The following FMNL2 variants were observed in gnomAD, a reference collection of about 807,000 sequenced individuals.
FMNL2 encodes the protein formin-like protein 2.
A neutral mutation model predicts 130.2 loss-of-function variants in FMNL2; 51 were observed. The ratio of observed to expected loss-of-function variants is 0.39; its 90% confidence interval spans 0.31 to 0.49. The LOEUF is 0.49. FMNL2 is among the 20% of genes least tolerant of loss of function. FMNL2 has a pLI of 0.85. For missense variants in FMNL2, 977 were observed against 1,316.2 expected, an observed-to-expected ratio of 0.74 and a Z score of 3.99; for synonymous variants, 465 against 467.1, an observed-to-expected ratio of 1.00 and a Z score of 0.06.
At chr2:152,361,266 C>T (rs965287587) in intron 1 of FMNL2, among the ~76,000 whole-genome samples, 1 of 152,184 alleles carries the variant, frequency 6.6e-6, no homozygotes, top group South Asian at 2.1e-4. Flanking sequence ...TTACAAACTT[C>T]TGTTTGAAAT....
chr2:152,609,512 G>A (rs942677780), intron 10 of FMNL2, among the ~76,000 whole-genome samples: 3 of 151,832 alleles, frequency 2.0e-5, no homozygotes, highest in African/African-American at 4.8e-5. Context: ...GTATTTTTTT[G>A]TGGACAAAAG....
intron 1 of FMNL2, among the ~76,000 whole-genome samples, chr2:152,484,295 T>C (rs1255317442): frequency 6.6e-6 from 1 of 152,196 alleles, no homozygotes; most frequent in African/African-American, 2.4e-5. Context: ...CTTGCTTACA[T>C]AATTTAAAAA....
In FMNL2 at chr2:152,637,632, T is replaced by C. The variant is rs1208750777; in HGVS notation, c.2904T>C (p.Ser968=). ...FGENPKTTPP[S]VFFPVFVRFV... is the part of the protein sequence containing the mutation. ...AAAACCCCAAGACAACACCACCCTC[T>C]GTCTTCTTTCCTGTCTTTGTCCGGT... Residue 968 remains serine (S), a synonymous_variant, in exon 23 of 26, where the codon TCT becomes TCC. Transcript: ENST00000288670. 1.2e-6 allele frequency: 2 copies of C among 1,613,898 alleles called. No homozygotes were observed. Among genetic ancestry groups the C allele is most frequent in the African/African-American group, 1.3e-5 (1 of 74,936 alleles).
chr2:152,350,411 T>A (rs1158905445), intron 1 of FMNL2, among the ~76,000 whole-genome samples: 1 of 152,206 alleles, frequency 6.6e-6, no homozygotes, highest in African/African-American at 2.4e-5. Flanking sequence ...TGGTTTTGTG[T>A]AGTCAGAGTT....
intron 9 of FMNL2, among the ~76,000 whole-genome samples, chr2:152,584,188 T>C (rs531682409): frequency 8.5e-5 from 13 of 152,260 alleles, no homozygotes; most frequent in African/African-American, 2.6e-4. Context: ...CAAAATGTCA[T>C]TGGAATCTTC....
chr2:152,645,949 T>G (rs1683515031), intron 25 of FMNL2, among the ~76,000 whole-genome samples: 1 of 152,216 alleles, frequency 6.6e-6, no homozygotes, highest in Non-Finnish European at 1.5e-5. Context: ...AGTGTAATTC[T>G]GGCCTTTCAT....
At chr2:152,598,764 T>A (rs1481627350) in intron 9 of FMNL2, among the ~76,000 whole-genome samples, 2 of 151,966 alleles carry the variant, frequency 1.3e-5, no homozygotes, top group South Asian at 4.2e-4. Context: ...GAAATGGGGG[T>A]GTATTAGGGC....
Position 152,513,561 on chromosome 2 carries a change from A to T in FMNL2, c.118-8382A>T, listed in dbSNP as rs375001336. Among the ~76,000 whole-genome samples, 8 of 152,324 alleles carry T rather than the reference A, an allele frequency of 5.3e-5. No individual in the cohort carries two copies. The East Asian group carries it at 1.4e-3, about 26-fold the overall frequency. On this transcript the variant is annotated intron_variant, in intron 1 of 25. Coordinates refer to ENST00000288670, the MANE Select transcript of FMNL2 (RefSeq NM_052905.4). ...GGTCACCTATAAAAGACAGAACAGA[A>T]TGAATGTATCACAAGCTTCTCTTGT...
chr2:152,529,635 GT>G (rs1693582888), intron 2 of FMNL2, among the ~76,000 whole-genome samples: 1 of 152,152 alleles, frequency 6.6e-6, no homozygotes, highest in Admixed American at 6.5e-5. Context: ...AGCTTTTGGA[GT>G]TTTGGAAAGT....
chr2:152,383,379 G>A (rs1476179579), intron 1 of FMNL2, among the ~76,000 whole-genome samples: 1 of 125,300 alleles, frequency 8.0e-6, no homozygotes, highest in Non-Finnish European at 1.6e-5. Flanking sequence ...TTTCTTTTTT[G>A]GAGTTTAATT....
chr2:152,352,034 A>G (rs1050700737), intron 1 of FMNL2, among the ~76,000 whole-genome samples: 4 of 152,240 alleles, frequency 2.6e-5, no homozygotes, highest in African/African-American at 9.6e-5. Context: ...GCCACAAAAG[A>G]AAAGTGGGCA....
chr2:152,367,973 G>A (rs112214991), intron 1 of FMNL2, among the ~76,000 whole-genome samples: 1,553 of 152,228 alleles, frequency 0.01, 33 homozygotes, highest in African/African-American at 0.036. Context: ...CTTGGTTCGT[G>A]TTCTTGACCT....
chr2:152,596,095 T>A (rs1351448175), intron 9 of FMNL2, among the ~76,000 whole-genome samples: 2 of 151,562 alleles, frequency 1.3e-5, no homozygotes, highest in African/African-American at 4.9e-5. Context: ...CCAGAACGGC[T>A]GGGATTATAG....
At chr2:152,551,143 GAAAAA>G (rs5835434) in intron 4 of FMNL2, among the ~76,000 whole-genome samples, 1 of 121,282 alleles carries the variant, frequency 8.2e-6, no homozygotes. Context: ...CCATCTCACC[GAAAAA>G]AAAAAAAAAA....
intron 1 of FMNL2, among the ~76,000 whole-genome samples, chr2:152,508,578 A>G (rs895011139): frequency 6.6e-6 from 1 of 152,200 alleles, no homozygotes; most frequent in African/African-American, 2.4e-5. Context: ...CTCTTGAGTG[A>G]TGGGGGCGGA....
chr2:152,632,193 G>A (rs1682220064), intron 21 of FMNL2, 56 bp downstream of exon 21: 2 of 1,571,672 alleles, frequency 1.3e-6, no homozygotes, highest in South Asian at 2.4e-5. Context: ...TTTAATTGTG[G>A]TGGAGCCATT....
Position 152,389,048 on chromosome 2 carries a change from C to G in FMNL2, c.117+53328C>G, listed in dbSNP as rs1224106417. 5.2e-5 allele frequency among the ~76,000 whole-genome samples: 6 copies of G among 114,508 alleles called. No homozygotes were observed. In the East Asian group the frequency reaches 1.7e-3, roughly 33 times the overall value. The allele number at this position is 114,508 out of a possible 152,430, so 75.1% of individuals were successfully genotyped here. ...GTCAAGGCTTCTTTTTGGTTGAAAT[C>G]TAAATGCTGTTTTTCAATTTGGACT... is the stretch of plus-strand genomic sequence containing the variant. On this transcript the variant is annotated intron_variant, in intron 1 of 25. Transcript: ENST00000288670.
At chr2:152,597,650 A>C (rs1403238724) in intron 9 of FMNL2, among the ~76,000 whole-genome samples, 1 of 152,186 alleles carries the variant, frequency 6.6e-6, no homozygotes, top group Non-Finnish European at 1.5e-5. Context: ...CTTTTGTGCC[A>C]CCAGTGCCAA....
intron 21 of FMNL2, among the ~76,000 whole-genome samples, chr2:152,635,198 G>T (rs1042909997): frequency 1.3e-5 from 2 of 152,212 alleles, no homozygotes; most frequent in South Asian, 2.1e-4. Context: ...AATGGTTGAT[G>T]TTGAGTTCTT....
Sources: gnomAD v4.1 joint callset for allele counts (sites outside exome capture counted in the v4.1 genomes callset) on GRCh38, gnomAD v4.1.1 for gene constraint, MANE v1.5 for transcripts, NCBI Gene and HGNC (gene_info 2026-07-23, HGNC 2026-07-21) for gene names.